Variants in BAZ1B observed in about 807,000 individuals in gnomAD.
The protein encoded by BAZ1B is bromodomain adjacent to zinc finger domain 1B.
Under a neutral mutation model 153.8 loss-of-function variants are expected in BAZ1B, and 22 were observed. The ratio of observed to expected loss-of-function variants is 0.14; its 90% CI spans 0.10 to 0.20. BAZ1B has a LOEUF of 0.20. BAZ1B is among the 10% of genes least tolerant of loss of function. The probability of loss-of-function intolerance (pLI) is 1.00; values close to 1 mark genes in which losing one functional copy is unlikely to be tolerated. For synonymous variants in BAZ1B, 676 were observed against 633.4 expected (o/e 1.07, Z -1.01); for missense variants, 1,325 against 1,799.3 (o/e 0.74, Z 4.77).
chr7:73,473,200 G>A (rs782654103), intron 7 of BAZ1B, among the ~76,000 whole-genome samples: 5 of 152,122 alleles, frequency 3.3e-5, no homozygotes, highest in African/African-American at 9.7e-5. Flanking sequence ...TCAGCCTCCC[G>A]AAGTGTAGGA....
rs1482948220 is a variant in BAZ1B, at chr7:73,489,049, CTGTA to C, written c.891+141_891+144del. 2.8e-4 allele frequency: 205 copies of C among 734,586 alleles called. 2 individuals carry two copies. The East Asian group carries it at 5.6e-3, about 20-fold the overall frequency. 45.5% of individuals were successfully genotyped at this position (734,586 alleles called of 1,614,324 possible). On this transcript the variant is annotated intron_variant, in intron 6 of 19. Coordinates refer to ENST00000339594, the MANE Select transcript of BAZ1B (RefSeq NM_032408.4). ...TCCCCTACCAACCTCACATAACAACCTGTATGTAACAGATATACCTGAAAAATTT... is the reference window on the plus strand; with the variant it reads ...TCCCCTACCAACCTCACATAACAACCTGTAACAGATATACCTGAAAAATTT...
intron 2 of BAZ1B, among the ~76,000 whole-genome samples, chr7:73,509,392 T>A (rs1554578251): frequency 6.6e-6 from 1 of 152,060 alleles, no homozygotes; most frequent in African/African-American, 2.4e-5. Flanking sequence ...ACAACACTGC[T>A]TTAGCAAATA....
Position 73,477,171 on chromosome 7 carries a change from C to G in BAZ1B, c.2290G>C (p.Asp764His), listed in dbSNP as rs1554572928. ...HRILMTYSVQ[D>H]HMETRQQMSA... Reference sequence around the variant, plus strand: ...ATCTGCTGTCTGGTCTCCATGTGGTCTTGCACTGAGTATGTCATGAGGATC... The same window carrying G: ...ATCTGCTGTCTGGTCTCCATGTGGTGTTGCACTGAGTATGTCATGAGGATC... Residue 764 changes from aspartate (D) to histidine (H), a missense_variant, in exon 7 of 20, where the codon GAC becomes CAC. Asp to His is a moderately conservative substitution (Grantham distance 81). Transcript: ENST00000339594. The surrounding 1 kb of genome is among the most constrained non-coding windows in gnomAD (Gnocchi z 5.6). The G allele has an allele frequency of 6.2e-7, 1 of 1,614,120 alleles. No homozygotes were observed. The highest frequency in any genetic ancestry group is 2.2e-5 in the East Asian group (1 of 44,908).
At chr7:73,449,222 T>C (rs1422373470) in intron 15 of BAZ1B, among the ~76,000 whole-genome samples, 5 of 152,162 alleles carry the variant, frequency 3.3e-5, no homozygotes, top group South Asian at 2.1e-4. Context: ...CAGTGGGTGA[T>C]AGCAGAAGTA....
At chr7:73,490,289 T>C (rs1308928202) in intron 5 of BAZ1B, among the ~76,000 whole-genome samples, 2 of 152,182 alleles carry the variant, frequency 1.3e-5, no homozygotes, top group Non-Finnish European at 2.9e-5. Flanking sequence ...ACATTACAGA[T>C]GTTTAGCACA....
At chr7:73,510,420 C>G (rs782718340) in intron 2 of BAZ1B, among the ~76,000 whole-genome samples, 6 of 152,128 alleles carry the variant, frequency 3.9e-5, no homozygotes, top group Non-Finnish European at 7.4e-5. Context: ...GAGCGAGATT[C>G]CGTCTCAAAA....
chr7:73,508,052 A>G (rs1271152095), intron 3 of BAZ1B, among the ~76,000 whole-genome samples: 1 of 152,144 alleles, frequency 6.6e-6, no homozygotes, highest in African/African-American at 2.4e-5. Flanking sequence ...GCTACTCAGA[A>G]GGCTGAGGTG....
intron 12 of BAZ1B, chr7:73,462,714 T>G: frequency 1.8e-6 from 1 of 570,996 alleles, no homozygotes; most frequent in Non-Finnish European, 3.1e-6. Flanking sequence ...TGTAAGCCAA[T>G]TACTAAGTTT....
At chr7:73,456,917 C>T (rs1333222549) in intron 13 of BAZ1B, among the ~76,000 whole-genome samples, 2 of 125,514 alleles carry the variant, frequency 1.6e-5, no homozygotes, top group African/African-American at 6.0e-5. Flanking sequence ...ACTCCGGCCT[C>T]GGCGACAGAG....
chr7:73,496,452 A>G (rs1789899070), intron 4 of BAZ1B, among the ~76,000 whole-genome samples: 1 of 152,222 alleles, frequency 6.6e-6, no homozygotes, highest in Non-Finnish European at 1.5e-5. Context: ...GGAGACAGAC[A>G]ACATCACATT....
intron 3 of BAZ1B, among the ~76,000 whole-genome samples, chr7:73,500,093 C>A (rs907126540): frequency 6.6e-6 from 1 of 152,142 alleles, no homozygotes; most frequent in African/African-American, 2.4e-5. Context: ...GGACTACAGG[C>A]ACACACCACA....
intron 2 of BAZ1B, among the ~76,000 whole-genome samples, chr7:73,509,691 G>A (rs906185117): frequency 7.9e-5 from 12 of 151,722 alleles, no homozygotes; most frequent in Admixed American, 2.0e-4. Flanking sequence ...GCAACAGAGC[G>A]AAACTGTGCC....
chr7:73,496,980 C>CA (rs1563393708), intron 4 of BAZ1B, among the ~76,000 whole-genome samples: 3 of 125,010 alleles, frequency 2.4e-5, no homozygotes, highest in Non-Finnish European at 3.3e-5. Flanking sequence ...GACCCTGTTT[C>CA]AAAAAAAAGA....
chr7:73,459,419 A>G, intron 13 of BAZ1B, 117 bp downstream of exon 13: 1 of 1,075,464 alleles, frequency 9.3e-7, no homozygotes, highest in Non-Finnish European at 1.3e-6. Flanking sequence ...ACACACACAA[A>G]AACACTCACT....
At chr7:73,491,986 C>CTTTT (rs782649883) in intron 5 of BAZ1B, among the ~76,000 whole-genome samples, 52 of 117,220 alleles carry the variant, frequency 4.4e-4, no homozygotes, top group African/African-American at 7.9e-4. Context: ...CAGCAAAACG[C>CTTTT]TTTTTTTTTT....
In BAZ1B at chr7:73,477,876, G is replaced by T. The variant is rs371097658; in HGVS notation, c.1585C>A (p.Leu529Ile). The T allele has an allele frequency of 6.2e-7, 1 of 1,614,030 alleles. No individual in the cohort carries two copies. Among genetic ancestry groups the T allele is most frequent in the South Asian group, 1.1e-5 (1 of 91,070 alleles). ...GAAGCCCACCTCTTTTTGTGCTCTA[G>T]AAGTTCATAGCGTTTTTGAACAAGA... is the stretch of plus-strand genomic sequence containing the variant. The part of the protein sequence containing the change: ...RSLVQKRYEL[L>I]EHKKRWASMS... The change falls in exon 7 of 20, where the codon CTA becomes ATA. Residue 529 changes from leucine (L) to isoleucine (I), a missense_variant. Coordinates refer to ENST00000339594, the MANE Select transcript of BAZ1B (RefSeq NM_032408.4). The surrounding 1 kb of genome is among the most constrained non-coding windows in gnomAD (Gnocchi z 5.6).
At chr7:73,458,081 A>C (rs1173225805) in intron 13 of BAZ1B, among the ~76,000 whole-genome samples, 2 of 152,180 alleles carry the variant, frequency 1.3e-5, no homozygotes, top group Non-Finnish European at 2.9e-5. Context: ...GAGAATCCTC[A>C]ATGTATAGAT....
chr7:73,515,850 A>G (rs775676332), intron 1 of BAZ1B, among the ~76,000 whole-genome samples: 10 of 152,156 alleles, frequency 6.6e-5, no homozygotes, highest in Non-Finnish European at 1.0e-4. Flanking sequence ...TGGTCTTAAA[A>G]TGAGAAAAAT....
chr7:73,521,804 C>G, intron 1 of BAZ1B, 23 bp downstream of exon 1: 2 of 1,482,778 alleles, frequency 1.3e-6, no homozygotes, highest in Non-Finnish European at 1.8e-6. Context: ...CCCAGCCCGG[C>G]CCGCGCGGCT....
Sources: gnomAD v4.1 joint callset for allele counts (sites outside exome capture counted in the v4.1 genomes callset) on GRCh38, gnomAD v4.1.1 for gene constraint, Gnocchi (gnomAD v3.1) non-coding constraint, MANE v1.5 for transcripts, NCBI Gene and HGNC (gene_info 2026-07-23, HGNC 2026-07-21) for gene names.